The following WWOX variants were observed in gnomAD, a reference collection of about 807,000 sequenced individuals.
WWOX encodes the protein WW domain containing oxidoreductase, also known as WW domain-containing oxidoreductase.
Under a neutral mutation model 46.2 loss-of-function variants are expected in WWOX, and 69 were observed. That is an observed-to-expected ratio of 1.49 (90% confidence interval 1.23 to 1.82). The LOEUF (loss-of-function observed/expected upper bound fraction) is 1.82, where lower values mean the gene tolerates loss of function less well. Among genes scored for constraint, WWOX ranks in the 40% most tolerant of loss-of-function variants. The pLI is 0.00. For missense variants in WWOX, 919 were observed against 542.6 expected, an observed-to-expected ratio of 1.69 and a Z score of -6.89; for synonymous variants, 359 against 202.6, an observed-to-expected ratio of 1.77 and a Z score of -6.56.
rs1448138492 is a variant in WWOX at position 78,430,934 on chromosome 16, A to G, written c.792-1554A>G. On this transcript the variant is annotated intron_variant, in intron 7 of 8. Coordinates refer to ENST00000566780, the MANE Select transcript of WWOX (RefSeq NM_016373.4). ...TAAGGAATAATAGGATAATTCCATA[A>G]TTTTCATTTTACCTTTTGCTTTTTG... Among the ~76,000 whole-genome samples, 4 of 152,156 alleles carry G rather than the reference A, an allele frequency of 2.6e-5. No homozygotes were observed. The East Asian group carries it at 5.8e-4, about 22-fold the overall frequency.
chr16:78,615,062 G>A (rs2045988506), intron 8 of WWOX, among the ~76,000 whole-genome samples: 1 of 152,188 alleles, frequency 6.6e-6, no homozygotes, highest in Non-Finnish European at 1.5e-5. Flanking sequence ...GAAATAGGGG[G>A]TGTTCCTGAG....
intron 8 of WWOX, among the ~76,000 whole-genome samples, chr16:78,499,228 G>T (rs961554606): frequency 1.3e-5 from 2 of 151,786 alleles, no homozygotes; most frequent in East Asian, 1.9e-4. Context: ...GCTTTGCTTT[G>T]GGGGGGTGAG....
chr16:78,150,361 T>C (rs975100349), intron 4 of WWOX, among the ~76,000 whole-genome samples: 22 of 151,966 alleles, frequency 1.4e-4, no homozygotes, highest in Admixed American at 9.8e-4. Context: ...CCAAACCCTA[T>C]CGTTTAGGTT....
chr16:78,523,733 C>G (rs1465140624), intron 8 of WWOX, among the ~76,000 whole-genome samples: 1 of 152,172 alleles, frequency 6.6e-6, no homozygotes, highest in Non-Finnish European at 1.5e-5. Context: ...GCTCCGTTTT[C>G]CCGCATACAT....
chr16:78,948,112 C>A (rs1314674013), intron 8 of WWOX, among the ~76,000 whole-genome samples: 1 of 152,162 alleles, frequency 6.6e-6, no homozygotes, highest in Non-Finnish European at 1.5e-5. Context: ...TAGCATCTTG[C>A]CTTACTCAGC....
chr16:78,311,378 C>T (rs1228444881), intron 5 of WWOX, among the ~76,000 whole-genome samples: 2 of 152,110 alleles, frequency 1.3e-5, no homozygotes, highest in African/African-American at 2.4e-5. Flanking sequence ...CCACAAGGTC[C>T]GGAATGGAGG....
chr16:78,107,303 C>G (rs1023829741), intron 1 of WWOX, among the ~76,000 whole-genome samples: 1 of 152,094 alleles, frequency 6.6e-6, no homozygotes, highest in African/African-American at 2.4e-5. Context: ...AGTTATTGAC[C>G]TATGTTTTTA....
intron 2 of WWOX, among the ~76,000 whole-genome samples, chr16:78,109,520 A>G (rs1307229877): frequency 6.6e-6 from 1 of 152,218 alleles, no homozygotes; most frequent in Non-Finnish European, 1.5e-5. Context: ...TGGCACAACC[A>G]GTATGGTTTA....
chr16:78,840,787 A>T (rs2052119560), intron 8 of WWOX, among the ~76,000 whole-genome samples: 1 of 151,696 alleles, frequency 6.6e-6, no homozygotes, highest in South Asian at 2.1e-4. Flanking sequence ...TTTCAAAAAA[A>T]TTGTGGGCAC....
intron 8 of WWOX, among the ~76,000 whole-genome samples, chr16:78,947,897 C>G (rs1466004491): frequency 6.6e-6 from 1 of 152,082 alleles, no homozygotes; most frequent in Non-Finnish European, 1.5e-5. Context: ...GGTTGATTTA[C>G]CTTGCTGTGG....
intron 8 of WWOX, among the ~76,000 whole-genome samples, chr16:78,643,659 A>C (rs562224717): frequency 3.3e-5 from 5 of 152,234 alleles, no homozygotes; most frequent in African/African-American, 1.2e-4. Context: ...TTGGCTCCTA[A>C]TAATGGCCCC....
chr16:78,524,408 GTTTATTTATTTATTTATTTA>G (rs751207225), intron 8 of WWOX, among the ~76,000 whole-genome samples: 7 of 121,934 alleles, frequency 5.7e-5, no homozygotes, highest in South Asian at 3.1e-4. Context: ...TTATTTATTT[GTTTATTTATTTATTTATTTA>G]TTTGTTTGTT....
chr16:78,851,996 C>T (rs967532387), intron 8 of WWOX, among the ~76,000 whole-genome samples: 1 of 152,204 alleles, frequency 6.6e-6, no homozygotes, highest in African/African-American at 2.4e-5. Flanking sequence ...AAACACAGCA[C>T]TTTTGGGATC....
intron 5 of WWOX, among the ~76,000 whole-genome samples, chr16:78,186,303 A>C (rs984703217): frequency 2.7e-5 from 4 of 149,860 alleles, no homozygotes; most frequent in Non-Finnish European, 5.9e-5. Flanking sequence ...CTTTATTTTC[A>C]TCAGACATTG....
chr16:79,081,420 T>C (rs951466297), intron 8 of WWOX, among the ~76,000 whole-genome samples: 2 of 152,198 alleles, frequency 1.3e-5, no homozygotes, highest in Non-Finnish European at 2.9e-5. Flanking sequence ...CACTTTGGCC[T>C]CCCAAAGCGC....
At chr16:78,262,759 C>T (rs1323538949) in intron 5 of WWOX, among the ~76,000 whole-genome samples, 1 of 152,180 alleles carries the variant, frequency 6.6e-6, no homozygotes, top group Non-Finnish European at 1.5e-5. Flanking sequence ...AGCCCCTGGA[C>T]TGCTAAGACT....
chr16:78,876,732 C>G (rs1011682940), intron 8 of WWOX, among the ~76,000 whole-genome samples: 1 of 152,066 alleles, frequency 6.6e-6, no homozygotes, highest in Non-Finnish European at 1.5e-5. Flanking sequence ...TGGATTTTAT[C>G]TCAGAAAATT....
intron 5 of WWOX, among the ~76,000 whole-genome samples, chr16:78,310,953 C>T (rs2080230888): frequency 6.6e-6 from 1 of 152,154 alleles, no homozygotes; most frequent in Non-Finnish European, 1.5e-5. Flanking sequence ...TGGGAAGCCC[C>T]AGAGAAATAG....
chr16:78,957,784 C>G (rs2046197889), intron 8 of WWOX, among the ~76,000 whole-genome samples: 2 of 152,202 alleles, frequency 1.3e-5, no homozygotes, highest in Non-Finnish European at 2.9e-5. Context: ...AATTAGGACT[C>G]TCTTGTCCTG....
Sources: gnomAD v4.1 joint callset for allele counts (sites outside exome capture counted in the v4.1 genomes callset) on GRCh38, gnomAD v4.1.1 for gene constraint, MANE v1.5 for transcripts, NCBI Gene and HGNC (gene_info 2026-07-23, HGNC 2026-07-21) for gene names.